FRMD4A: variants seen among roughly 807,000 people sequenced by gnomAD.
The protein encoded by FRMD4A is FERM domain-containing protein 4A.
Under a neutral mutation model 129.1 loss-of-function variants are expected in FRMD4A, and 29 were observed. That is an observed-to-expected ratio of 0.22 (90% CI 0.17 to 0.31). The LOEUF (loss-of-function observed/expected upper bound fraction) is 0.31. Among genes scored for constraint, FRMD4A ranks in the 10% least tolerant of loss-of-function variants. The probability of loss-of-function intolerance (pLI) is 1.00; values close to 1 mark genes in which losing one functional copy is unlikely to be tolerated. For missense variants in FRMD4A, 1,272 were observed against 1,375.8 expected (o/e 0.92, Z 1.19); for synonymous variants, 634 against 571.6 (o/e 1.11, Z -1.56).
chr10:14,307,771 G>A (rs1055822597), intron 2 of FRMD4A, among the ~76,000 whole-genome samples: 2 of 152,098 alleles, frequency 1.3e-5, no homozygotes, highest in Admixed American at 6.5e-5. Flanking sequence ...CTCTCACCGA[G>A]CTCCACGAAC....
In FRMD4A at chr10:13,892,229, C is replaced by G. The variant is rs570153823; in HGVS notation, c.46-33317G>C. On this transcript the variant is annotated intron_variant, in intron 2 of 24. Transcript: ENST00000357447. ...ACAAAACCCACCCAAAGCCACCGCT[C>G]GAGGCCCTCTCCTACCCTGAGAGCC... 5.5e-4 allele frequency among the ~76,000 whole-genome samples: 84 copies of G among 152,294 alleles called. 1 individual carries two copies. In the South Asian group the frequency reaches 0.017, roughly 31 times the overall value.
At chr10:14,048,876 AG>A (rs1834117424) in intron 2 of FRMD4A, among the ~76,000 whole-genome samples, 1 of 147,296 alleles carries the variant, frequency 6.8e-6, no homozygotes, top group African/African-American at 2.6e-5. Flanking sequence ...AGAATAGAAT[AG>A]AATAGAATAG....
At chr10:14,276,738 T>G (rs1042846402) in intron 2 of FRMD4A, among the ~76,000 whole-genome samples, 3 of 152,246 alleles carry the variant, frequency 2.0e-5, no homozygotes, top group Non-Finnish European at 4.4e-5. Flanking sequence ...GTTTGTTTGC[T>G]TCTCTATGGT....
At chr10:13,898,434 G>T (rs1272583887) in intron 2 of FRMD4A, among the ~76,000 whole-genome samples, 3 of 152,220 alleles carry the variant, frequency 2.0e-5, no homozygotes, top group African/African-American at 7.2e-5. Context: ...GGTGGCCTGA[G>T]AGAGAGGGAA....
intron 2 of FRMD4A, among the ~76,000 whole-genome samples, chr10:14,290,961 C>CAGGAA (rs1845833525): frequency 6.6e-6 from 1 of 152,006 alleles, no homozygotes; most frequent in Non-Finnish European, 1.5e-5. Flanking sequence ...AGTGTAATTA[C>CAGGAA]TGGACATTTC....
At chr10:14,107,021 G>T (rs1837623811) in intron 2 of FRMD4A, among the ~76,000 whole-genome samples, 1 of 152,170 alleles carries the variant, frequency 6.6e-6, no homozygotes, top group Non-Finnish European at 1.5e-5. Flanking sequence ...ATGCAGCCAT[G>T]AAAAAGATTG....
intron 2 of FRMD4A, among the ~76,000 whole-genome samples, chr10:13,908,824 AAAC>A (rs1215592525): frequency 3.3e-5 from 5 of 152,260 alleles, no homozygotes; most frequent in Non-Finnish European, 7.3e-5. Flanking sequence ...AATTTCAGAT[AAAC>A]AACAAGTTCA....
intron 2 of FRMD4A, among the ~76,000 whole-genome samples, chr10:14,006,945 A>G (rs1004993146): frequency 6.6e-6 from 1 of 152,202 alleles, no homozygotes; most frequent in African/African-American, 2.4e-5. Context: ...CGTTTTTTTC[A>G]TTATTCAAAT....
At chr10:13,866,261 C>T (rs1034231922) in intron 2 of FRMD4A, 5 of 975,796 alleles carry the variant, frequency 5.1e-6, no homozygotes, top group Admixed American at 6.2e-5. Context: ...AGTGACTTAC[C>T]GCTGACAGCA....
At chr10:13,960,530 T>A (rs1007347038) in intron 2 of FRMD4A, among the ~76,000 whole-genome samples, 2 of 152,250 alleles carry the variant, frequency 1.3e-5, no homozygotes, top group African/African-American at 4.8e-5. Flanking sequence ...GATAACACTA[T>A]GTGGCAAATA....
chr10:14,066,797 AAG>A (rs1251936061), intron 2 of FRMD4A, among the ~76,000 whole-genome samples: 2 of 152,354 alleles, frequency 1.3e-5, no homozygotes, highest in African/African-American at 4.8e-5. Flanking sequence ...AAAAAAAAGA[AAG>A]AGAAATTGAG....
At chr10:13,976,882 T>C (rs1168373698) in intron 2 of FRMD4A, among the ~76,000 whole-genome samples, 2 of 152,176 alleles carry the variant, frequency 1.3e-5, no homozygotes, top group African/African-American at 4.8e-5. Context: ...CTAGTGCAAA[T>C]AGCATTTTTA....
At chr10:13,907,940 C>A (rs1049771712) in intron 2 of FRMD4A, among the ~76,000 whole-genome samples, 2 of 150,802 alleles carry the variant, frequency 1.3e-5, no homozygotes, top group African/African-American at 4.9e-5. Flanking sequence ...CCGAGGCAGG[C>A]GGATCACCTG....
chr10:14,105,724 C>T (rs918354013), intron 2 of FRMD4A, among the ~76,000 whole-genome samples: 3 of 152,174 alleles, frequency 2.0e-5, no homozygotes, highest in Admixed American at 1.3e-4. Context: ...TGGTATGTCT[C>T]GCTTCACTTT....
At chr10:13,914,063 TGGGCA>T (rs2094973006) in intron 2 of FRMD4A, among the ~76,000 whole-genome samples, 1 of 152,166 alleles carries the variant, frequency 6.6e-6, no homozygotes, top group South Asian at 2.1e-4. Flanking sequence ...GTCAAAGCCC[TGGGCA>T]GTCATTCAGC....
At chr10:13,963,772 A>G (rs1036688726) in intron 2 of FRMD4A, among the ~76,000 whole-genome samples, 4 of 152,170 alleles carry the variant, frequency 2.6e-5, no homozygotes, top group Non-Finnish European at 5.9e-5. Flanking sequence ...ATTAGCTCAC[A>G]TGTTTTCTTA....
At chr10:14,006,629 G>T (rs1014400538) in intron 2 of FRMD4A, among the ~76,000 whole-genome samples, 2 of 152,070 alleles carry the variant, frequency 1.3e-5, no homozygotes, top group African/African-American at 2.4e-5. Flanking sequence ...CATTCACACA[G>T]CCCTAAGGCA....
chr10:14,128,321 C>T (rs575996129), intron 2 of FRMD4A, among the ~76,000 whole-genome samples: 1 of 151,984 alleles, frequency 6.6e-6, no homozygotes, highest in Admixed American at 6.6e-5. Flanking sequence ...CCAGGTTGGT[C>T]GCAAACTCCC....
At chr10:14,222,877 C>A (rs1843308691) in intron 2 of FRMD4A, among the ~76,000 whole-genome samples, 1 of 152,172 alleles carries the variant, frequency 6.6e-6, no homozygotes, top group Non-Finnish European at 1.5e-5. Flanking sequence ...CACCTGAGCT[C>A]AGGAGTTCCA....
Sources: allele counts gnomAD v4.1 joint callset (sites outside exome capture counted in the v4.1 genomes callset), GRCh38; gene constraint gnomAD v4.1.1; transcripts MANE v1.5; gene names NCBI Gene and HGNC (gene_info 2026-07-23, HGNC 2026-07-21).